Variants in TAF1B observed in about 807,000 individuals in gnomAD.
The protein encoded by TAF1B is TATA-box binding protein associated factor, RNA polymerase I subunit B.
TAF1B carries 61 observed loss-of-function variants against 83.9 expected under a neutral mutation model. That is an observed-to-expected ratio of 0.73 (90% confidence interval 0.59 to 0.90). The LOEUF is 0.90. Ranked by LOEUF, TAF1B falls within the 40% of genes least tolerant of loss-of-function variation. The pLI is 0.00. For synonymous variants in TAF1B, 221 were observed against 224.6 expected (o/e 0.98, Z 0.14); for missense variants, 625 against 677.0 (o/e 0.92, Z 0.85).
chr2:9,854,391 C>T lies in TAF1B; in HGVS notation c.369C>T (p.Asn123=). The T allele has an allele frequency of 6.2e-7, 1 of 1,613,950 alleles. No individual in the cohort carries two copies. The highest frequency in any genetic ancestry group is 8.5e-7 in the Non-Finnish European group (1 of 1,179,900). ...LQKSKQAYCK[N]PVYTTGRKPT... The stretch of plus-strand genomic sequence containing the variant: ...AGAGCAAGCAGGCATATTGTAAGAA[C>T]CCAGTTTATACCACTGGAAGGAAAC... The change falls in exon 5 of 15, where the codon AAC becomes AAT. Residue 123 remains asparagine, a synonymous_variant. Transcript: ENST00000263663.
At chr2:9,882,282 T>C (rs1379194885) in intron 7 of TAF1B, among the ~76,000 whole-genome samples, 1 of 152,120 alleles carries the variant, frequency 6.6e-6, no homozygotes, top group Non-Finnish European at 1.5e-5. Context: ...GTATTTTTAA[T>C]AGAGACGGGG....
intron 1 of TAF1B, 92 bp downstream of exon 1, chr2:9,843,651 G>A (rs979785670): frequency 3.0e-5 from 41 of 1,346,032 alleles, no homozygotes; most frequent in South Asian, 3.1e-5. Context: ...GCGGGTTGGG[G>A]CGGCGACGCC....
chr2:9,932,670 A>G (rs1666252733), intron 14 of TAF1B, among the ~76,000 whole-genome samples: 1 of 152,194 alleles, frequency 6.6e-6, no homozygotes, highest in Non-Finnish European at 1.5e-5. Context: ...CTCAGAGCTC[A>G]AACACCATGC....
chr2:9,854,468 G>C (rs2125137086), intron 5 of TAF1B, 47 bp downstream of exon 5: 1 of 1,392,166 alleles, frequency 7.2e-7, no homozygotes, highest in Admixed American at 1.7e-5. Context: ...TGTCTGTTGA[G>C]ATGTAGAGAT....
chr2:9,916,939 C>G (rs1056794800), intron 12 of TAF1B, among the ~76,000 whole-genome samples: 3 of 149,762 alleles, frequency 2.0e-5, no homozygotes, highest in East Asian at 2.0e-4. Flanking sequence ...TTCCGCCTCC[C>G]GGGTTCAAGC....
chr2:9,856,634 C>T (rs1033961309), intron 5 of TAF1B, among the ~76,000 whole-genome samples: 1 of 152,084 alleles, frequency 6.6e-6, no homozygotes, highest in African/African-American at 2.4e-5. Flanking sequence ...TTGCCTAACA[C>T]ATAGAAAATA....
intron 8 of TAF1B, among the ~76,000 whole-genome samples, chr2:9,885,111 AT>A (rs1391426218): frequency 6.6e-6 from 1 of 152,206 alleles, no homozygotes; most frequent in African/African-American, 2.4e-5. Context: ...GAGAACTAGG[AT>A]AGTGAGAAGG....
At chr2:9,892,954 G>A (rs1415269288) in intron 8 of TAF1B, among the ~76,000 whole-genome samples, 1 of 152,102 alleles carries the variant, frequency 6.6e-6, no homozygotes, top group Non-Finnish European at 1.5e-5. Context: ...AATTTTGAGT[G>A]AAGGGACAGG....
chr2:9,870,486 T>TA (rs896096632), intron 6 of TAF1B, among the ~76,000 whole-genome samples: 12 of 151,676 alleles, frequency 7.9e-5, no homozygotes, highest in Non-Finnish European at 1.2e-4. Flanking sequence ...AACCTTGTCT[T>TA]AAAAAAAAAT....
In TAF1B at chr2:9,914,838, G is replaced by A. The variant is rs1835427; in HGVS notation, c.1271+1589G>A. Among the ~76,000 whole-genome samples the A allele has an allele frequency of 0.18, 27,370 of 152,118 alleles. 3,122 individuals carry two copies. Among genetic ancestry groups the A allele is most frequent in the East Asian group, 0.31 (1,626 of 5,166 alleles). On this transcript the variant is annotated intron_variant, in intron 12 of 14. Coordinates refer to ENST00000263663, the MANE Select transcript of TAF1B (RefSeq NM_005680.3). The surrounding 1 kb of genome is among the most constrained non-coding windows in gnomAD (Gnocchi z 4.3). ...GAGTCACTGCTGAGTAATATGCGAAGCACTACCAACTGCTGCTCAGGCCCA... is the reference window on the plus strand; with the variant it reads ...GAGTCACTGCTGAGTAATATGCGAAACACTACCAACTGCTGCTCAGGCCCA...
At chr2:9,926,429 T>G (rs977618342) in intron 14 of TAF1B, among the ~76,000 whole-genome samples, 7 of 152,206 alleles carry the variant, frequency 4.6e-5, no homozygotes, top group Admixed American at 2.0e-4. Context: ...ATCCTGGTCA[T>G]GTGTCCCATA....
chr2:9,853,657 G>A (rs1219471642), intron 4 of TAF1B, among the ~76,000 whole-genome samples: 2 of 151,974 alleles, frequency 1.3e-5, no homozygotes, highest in African/African-American at 4.8e-5. Flanking sequence ...TTGTAGAGAT[G>A]AGGTCTCACC....
intron 14 of TAF1B, among the ~76,000 whole-genome samples, chr2:9,923,552 G>A (rs1244038875): frequency 6.6e-6 from 1 of 152,000 alleles, no homozygotes; most frequent in East Asian, 1.9e-4. Flanking sequence ...GGTGGCGCAT[G>A]CCTGTAATCC....
rs1363603300 is a variant in TAF1B at position 9,905,016 on chromosome 2, T to A, written c.955+10T>A. 6.2e-7 allele frequency: 1 copy of A among 1,608,340 alleles called. No individual in the cohort carries two copies. The highest frequency in any genetic ancestry group is 8.5e-7 in the Non-Finnish European group (1 of 1,175,636). On this transcript the variant is annotated intron_variant, in intron 9 of 14. Transcript: ENST00000263663. ...GAAGTCAACCTCCCTGGTAAGTGTG[T>A]GACATATATTGTGGGGACACTTTAA...
chr2:9,882,877 G>A, intron 8 of TAF1B, 72 bp downstream of exon 8: 1 of 1,112,552 alleles, frequency 9.0e-7, no homozygotes, highest in Non-Finnish European at 1.3e-6. Context: ...TCTATTTCTT[G>A]CTTGACTTAT....
chr2:9,904,106 G>C (rs1665270962), intron 8 of TAF1B, among the ~76,000 whole-genome samples: 1 of 152,040 alleles, frequency 6.6e-6, no homozygotes, highest in Non-Finnish European at 1.5e-5. Context: ...TGCTAAATCA[G>C]AAATTTTTTT....
chr2:9,872,287 C>A (rs1420109694), intron 6 of TAF1B, among the ~76,000 whole-genome samples: 1 of 150,484 alleles, frequency 6.6e-6, no homozygotes, highest in East Asian at 2.0e-4. Context: ...GATCACACCA[C>A]TGCACTCCAG....
chr2:9,871,101 A>G (rs1360286230), intron 6 of TAF1B, among the ~76,000 whole-genome samples: 8 of 150,998 alleles, frequency 5.3e-5, no homozygotes, highest in Non-Finnish European at 1.0e-4. Context: ...TTTTTTTGAG[A>G]TGGTGTCTTG....
intron 5 of TAF1B, among the ~76,000 whole-genome samples, chr2:9,858,845 C>A (rs538297790): frequency 1.3e-5 from 2 of 152,230 alleles, no homozygotes; most frequent in East Asian, 3.9e-4. Flanking sequence ...GTAACTGAGC[C>A]CTGGACCTGG....
Sources: allele counts gnomAD v4.1 joint callset (sites outside exome capture counted in the v4.1 genomes callset), GRCh38; gene constraint gnomAD v4.1.1; non-coding constraint Gnocchi (gnomAD v3.1); transcripts MANE v1.5; gene names NCBI Gene and HGNC (gene_info 2026-07-23, HGNC 2026-07-21).